The following MTOR variants were observed in gnomAD, a reference collection of about 807,000 sequenced individuals.
MTOR encodes the protein mechanistic target of rapamycin kinase.
A neutral mutation model predicts 319.8 loss-of-function variants in MTOR; 70 were observed. The ratio of observed to expected loss-of-function variants is 0.22; its 90% CI spans 0.18 to 0.27. MTOR has a LOEUF of 0.27. Among genes scored for constraint, MTOR ranks in the 10% least tolerant of loss-of-function variants. MTOR has a pLI of 1.00. For synonymous variants in MTOR, 1,183 were observed against 1,211.4 expected (o/e 0.98, Z 0.49); for missense variants, 1,890 against 3,274.4 (o/e 0.58, Z 10.32).
chr1:11,254,540 A>G (rs1650109605), intron 5 of MTOR, among the ~76,000 whole-genome samples: 1 of 152,146 alleles, frequency 6.6e-6, no homozygotes, highest in African/African-American at 2.4e-5. Flanking sequence ...GACTTGTCCA[A>G]GATCACACAG....
intron 1 of MTOR, among the ~76,000 whole-genome samples, chr1:11,261,251 G>A (rs991562415): frequency 7.3e-5 from 11 of 150,778 alleles, no homozygotes; most frequent in African/African-American, 2.2e-4. Context: ...GGATCACGAG[G>A]TCAGGAAATC....
chr1:11,131,996 T>C (rs760827106), intron 38 of MTOR: 1 of 152,244 alleles, frequency 6.6e-6, no homozygotes, highest in Admixed American at 6.5e-5. Flanking sequence ...CTTGTGTATC[T>C]GCTATGTGCC....
chr1:11,212,444 C>G lies in MTOR; in HGVS notation c.3429G>C (p.Thr1143=). ...CATAGTCAGTGAAATCCAGGGACTC[C>G]GTCAGGCGGTCCACAGTCTCTAGCG... is the stretch of plus-strand genomic sequence containing the variant. ...KAALETVDRL[T]ESLDFTDYAS... Residue 1143 remains threonine (T), a synonymous_variant, in exon 23 of 58, where the codon ACG becomes ACC. Transcript: ENST00000361445. This position sits in a 1 kb window ranked among gnomAD's most constrained non-coding sequence, Gnocchi z 4.1. 6.2e-7 allele frequency: 1 copy of G among 1,614,074 alleles called. No individual in the cohort carries two copies. Among genetic ancestry groups the G allele is most frequent in the Non-Finnish European group, 8.5e-7 (1 of 1,179,986 alleles).
At chr1:11,155,888 G>A (rs1451196411) in intron 30 of MTOR, among the ~76,000 whole-genome samples, 3 of 152,060 alleles carry the variant, frequency 2.0e-5, no homozygotes, top group Non-Finnish European at 4.4e-5. Flanking sequence ...CTGGCTGAAT[G>A]AAGGAACAGT....
intron 28 of MTOR, chr1:11,195,180 C>T: frequency 1.2e-6 from 1 of 813,380 alleles, no homozygotes; most frequent in Non-Finnish European, 1.9e-6. Context: ...ACAAAAAAAT[C>T]ATATGTACCA....
intron 19 of MTOR, among the ~76,000 whole-genome samples, chr1:11,225,585 C>A (rs892004640): frequency 1.3e-5 from 2 of 152,020 alleles, no homozygotes; most frequent in Non-Finnish European, 2.9e-5. Flanking sequence ...CCATGCCCGG[C>A]TAATTTTTGT....
chr1:11,149,819 C>G (rs1644074286), intron 31 of MTOR, among the ~76,000 whole-genome samples: 1 of 152,192 alleles, frequency 6.6e-6, no homozygotes, highest in South Asian at 2.1e-4. Context: ...GGAAAAGCAT[C>G]TGGCATCAGT....
intron 28 of MTOR, chr1:11,193,567 C>T: frequency 6.4e-7 from 1 of 1,567,296 alleles, no homozygotes; most frequent in Non-Finnish European, 8.6e-7. Flanking sequence ...CCAGAGTATC[C>T]CCTCTGCTTC....
At chr1:11,195,189 C>A in intron 28 of MTOR, 2 of 754,916 alleles carry the variant, frequency 2.6e-6, no homozygotes, top group Non-Finnish European at 2.1e-6. Flanking sequence ...TCATATGTAC[C>A]AAGGATGTTA....
intron 19 of MTOR, among the ~76,000 whole-genome samples, chr1:11,217,953 T>C (rs1482994867): frequency 6.6e-6 from 1 of 152,152 alleles, no homozygotes; most frequent in Non-Finnish European, 1.5e-5. Flanking sequence ...AAAGAAGAGT[T>C]TGAACATATT....
At chr1:11,195,063 A>T in intron 28 of MTOR, 1 of 1,602,164 alleles carries the variant, frequency 6.2e-7, no homozygotes, top group Non-Finnish European at 8.5e-7. Flanking sequence ...AAACTGAGAC[A>T]CGTGGAGACT....
chr1:11,184,997 T>G (rs1304649940), intron 28 of MTOR, among the ~76,000 whole-genome samples: 2 of 152,202 alleles, frequency 1.3e-5, no homozygotes, highest in Non-Finnish European at 2.9e-5. Context: ...TCCAAGTCTT[T>G]CACATAGCTG....
In MTOR at chr1:11,157,310, A is replaced by G. The variant is rs1392927710; in HGVS notation, c.4330-19T>C. On this transcript the variant is annotated intron_variant, in intron 29 of 57. Coordinates refer to ENST00000361445, the MANE Select transcript of MTOR (RefSeq NM_004958.4). ...GGATCTCCTGTTACATGGGAAAGAA[A>G]GACTGCTGTGAGGTACACAGAAGAA... is the stretch of plus-strand genomic sequence containing the variant. 6.2e-7 allele frequency: 1 copy of G among 1,610,576 alleles called. No homozygotes were observed. The highest frequency in any genetic ancestry group is 1.1e-5 in the South Asian group (1 of 90,468).
rs1265153789 is a variant in MTOR at position 11,133,799 on chromosome 1, C to A, written c.5246+552G>T. 6.6e-6 allele frequency among the ~76,000 whole-genome samples: 1 copy of A among 152,178 alleles called. No individual in the cohort carries two copies. The highest frequency in any genetic ancestry group is 1.5e-5 in the Non-Finnish European group (1 of 68,036). On this transcript the variant is annotated intron_variant, in intron 37 of 57. Coordinates refer to ENST00000361445, the MANE Select transcript of MTOR (RefSeq NM_004958.4). The surrounding 1 kb of genome is among the most constrained non-coding windows in gnomAD (Gnocchi z 4.0). Reference sequence around the variant, plus strand: ...GCACAGAGTGGCACAGTGGCCCACACCTATAATCCCAGCATTTTGGAAGGC... The same window carrying A: ...GCACAGAGTGGCACAGTGGCCCACAACTATAATCCCAGCATTTTGGAAGGC...
intron 6 of MTOR, among the ~76,000 whole-genome samples, chr1:11,251,263 G>T (rs1040196579): frequency 1.3e-5 from 2 of 152,078 alleles, no homozygotes; most frequent in Non-Finnish European, 2.9e-5. Context: ...AGTATTTGCT[G>T]CTCCTCTAAT....
intron 25 of MTOR, among the ~76,000 whole-genome samples, chr1:11,207,021 T>C (rs1475733536): frequency 2.6e-5 from 4 of 152,222 alleles, no homozygotes; most frequent in Admixed American, 6.5e-5. Context: ...GACTGATAAA[T>C]GCACCAATCC....
chr1:11,204,516 G>A lies in MTOR; in HGVS notation c.3944+45C>T, dbSNP rs72856909. The A allele has an allele frequency of 4.0e-4, 634 of 1,565,562 alleles. 2 individuals carry two copies. The African/African-American group carries it at 4.1e-3, about 10-fold the overall frequency. ...TAATAAAAACTAATTTGTATATATC[G>A]TTTTCTATGTGCTGATCTTCTCCAC... On this transcript the variant is annotated intron_variant, in intron 26 of 57. Transcript: ENST00000361445.
chr1:11,114,937 C>G, intron 51 of MTOR, 50 bp from the exon 52 acceptor site: 3 of 1,565,374 alleles, frequency 1.9e-6, no homozygotes, highest in Non-Finnish European at 2.6e-6. Context: ...TTTTCTTTAC[C>G]TGGAGCCAGG....
chr1:11,255,865 A>T, intron 5 of MTOR, 127 bp downstream of exon 5: 1 of 911,368 alleles, frequency 1.1e-6, no homozygotes, highest in East Asian at 2.8e-5. Flanking sequence ...AAAAAAAAAA[A>T]TTCATTTGAG....
Sources: gnomAD v4.1 joint callset for allele counts (sites outside exome capture counted in the v4.1 genomes callset) on GRCh38, gnomAD v4.1.1 for gene constraint, Gnocchi (gnomAD v3.1) non-coding constraint, MANE v1.5 for transcripts, NCBI Gene and HGNC (gene_info 2026-07-23, HGNC 2026-07-21) for gene names.